Variants in CENPP observed in about 807,000 individuals in gnomAD.
CENPP encodes centromere protein P.
Under a neutral mutation model 35.6 loss-of-function variants are expected in CENPP, and 24 were observed. The ratio of observed to expected loss-of-function variants is 0.67; its 90% CI spans 0.49 to 0.95. CENPP has a LOEUF of 0.95. Among genes scored for constraint, CENPP ranks in the 40% least tolerant of loss-of-function variants. CENPP has a pLI of 0.00. For synonymous variants in CENPP, 120 were observed against 125.5 expected, an observed-to-expected ratio of 0.96 and a Z score of 0.29; for missense variants, 332 against 345.3, an observed-to-expected ratio of 0.96 and a Z score of 0.31.
chr9:92,605,216 T>C lies in CENPP; in HGVS notation c.565-6098T>C, dbSNP rs191366393. 2.0e-3 allele frequency among the ~76,000 whole-genome samples: 307 copies of C among 152,342 alleles called. 2 individuals are homozygous for C. The highest frequency in any genetic ancestry group is 7.0e-3 in the African/African-American group (290 of 41,578). Reference sequence around the variant, plus strand: ...GTTGGCAAGGCTGGTCTCGAACTCCTGGCCTCAAGTGATCCACCTGCCTTG... The same window carrying C: ...GTTGGCAAGGCTGGTCTCGAACTCCCGGCCTCAAGTGATCCACCTGCCTTG... On this transcript the variant is annotated intron_variant, in intron 5 of 7. Coordinates refer to ENST00000375587, the MANE Select transcript of CENPP (RefSeq NM_001012267.3).
At chr9:92,409,887 T>C (rs897013447) in intron 5 of CENPP, among the ~76,000 whole-genome samples, 3 of 152,170 alleles carry the variant, frequency 2.0e-5, no homozygotes, top group Non-Finnish European at 4.4e-5. Context: ...TTATTCTTCA[T>C]CGTCTCCCAG....
chr9:92,352,505 G>GTGTATATATA, intron 4 of CENPP, among the ~76,000 whole-genome samples: 2 of 49,790 alleles, frequency 4.0e-5, no homozygotes, highest in African/African-American at 3.6e-4. Flanking sequence ...GTGTGTGTGT[G>GTGTATATATA]TATACATATA....
intron 5 of CENPP, among the ~76,000 whole-genome samples, chr9:92,482,924 T>TA (rs1301961105): frequency 3.9e-5 from 6 of 151,930 alleles, no homozygotes; most frequent in African/African-American, 1.4e-4. Flanking sequence ...TTTTTTTTTT[T>TA]AAGCTTTTAG....
At chr9:92,571,319 G>A (rs573073029) in intron 5 of CENPP, among the ~76,000 whole-genome samples, 1 of 152,156 alleles carries the variant, frequency 6.6e-6, no homozygotes, top group Non-Finnish European at 1.5e-5. Flanking sequence ...CTTTATTTCT[G>A]CCTTCATTTC....
intron 5 of CENPP, among the ~76,000 whole-genome samples, chr9:92,486,022 T>C (rs1195033221): frequency 6.6e-6 from 1 of 152,182 alleles, no homozygotes; most frequent in Non-Finnish European, 1.5e-5. Context: ...TTTATAGTAG[T>C]AGCTACAAGA....
At chr9:92,571,301 AAG>A (rs1394888754) in intron 5 of CENPP, among the ~76,000 whole-genome samples, 2 of 152,170 alleles carry the variant, frequency 1.3e-5, no homozygotes. Flanking sequence ...ATTGGTTTCA[AAG>A]AACATCTTTA....
chr9:92,533,949 A>C (rs1049468864), intron 5 of CENPP, among the ~76,000 whole-genome samples: 20 of 151,634 alleles, frequency 1.3e-4, no homozygotes, highest in African/African-American at 4.8e-4. Flanking sequence ...CATATCTTTG[A>C]TATTTGGAAG....
chr9:92,502,160 G>A (rs1256103635), intron 5 of CENPP, among the ~76,000 whole-genome samples: 1 of 152,182 alleles, frequency 6.6e-6, no homozygotes, highest in Non-Finnish European at 1.5e-5. Flanking sequence ...GGTAGACAGA[G>A]CTAGAGTGGC....
intron 5 of CENPP, chr9:92,415,491 A>G (rs762833828): frequency 4.1e-6 from 6 of 1,462,402 alleles, no homozygotes; most frequent in Non-Finnish European, 5.6e-6. Context: ...AAAGAAATAA[A>G]TTAAAAATTA....
chr9:92,591,875 T>C (rs537539374), intron 5 of CENPP, among the ~76,000 whole-genome samples: 3 of 152,300 alleles, frequency 2.0e-5, no homozygotes, highest in Non-Finnish European at 4.4e-5. Flanking sequence ...TATTTCGTTA[T>C]TTATTATCTG....
chr9:92,340,475 C>T (rs948673876), intron 3 of CENPP: 6 of 152,260 alleles, frequency 3.9e-5, no homozygotes, highest in Non-Finnish European at 8.8e-5. Context: ...AATTTGATGC[C>T]TTCCTGAGTC....
intron 5 of CENPP, among the ~76,000 whole-genome samples, chr9:92,441,764 A>G (rs1844396555): frequency 1.3e-5 from 2 of 152,158 alleles, no homozygotes; most frequent in Non-Finnish European, 2.9e-5. Context: ...TAGGAAACAA[A>G]GCAAAACAAA....
chr9:92,578,609 T>C (rs1166589382), intron 5 of CENPP, among the ~76,000 whole-genome samples: 4 of 152,216 alleles, frequency 2.6e-5, no homozygotes, highest in African/African-American at 9.7e-5. Flanking sequence ...TTTTGAGAAG[T>C]GTCTGTTCAT....
At chr9:92,366,896 T>C (rs1271252124) in intron 4 of CENPP, among the ~76,000 whole-genome samples, 2 of 152,144 alleles carry the variant, frequency 1.3e-5, no homozygotes, top group Non-Finnish European at 2.9e-5. Flanking sequence ...TGCTCTAAAA[T>C]CTGAAATTTT....
intron 5 of CENPP, chr9:92,505,646 T>C: frequency 6.2e-7 from 1 of 1,606,772 alleles, no homozygotes. Flanking sequence ...TTGGCTTCAC[T>C]GAGATTGTTT....
intron 5 of CENPP, among the ~76,000 whole-genome samples, chr9:92,457,900 C>G (rs1238424803): frequency 6.6e-6 from 1 of 151,906 alleles, no homozygotes; most frequent in African/African-American, 2.4e-5. Flanking sequence ...TACTTCAGTG[C>G]CATATTTACA....
chr9:92,349,682 G>A (rs920501407), intron 4 of CENPP, among the ~76,000 whole-genome samples: 2 of 152,068 alleles, frequency 1.3e-5, no homozygotes, highest in Non-Finnish European at 2.9e-5. Context: ...GATTACAGGC[G>A]TGAGCCACCA....
chr9:92,509,711 A>T (rs1053026613), intron 5 of CENPP, among the ~76,000 whole-genome samples: 1 of 152,260 alleles, frequency 6.6e-6, no homozygotes, highest in Non-Finnish European at 1.5e-5. Context: ...CAAAGACAAT[A>T]GGCAGTTTAA....
chr9:92,495,229 A>G, intron 5 of CENPP: 1 of 587,858 alleles, frequency 1.7e-6, no homozygotes, highest in Non-Finnish European at 2.1e-6. Context: ...CCTAGCCAAG[A>G]CATAAAACTG....
Sources: allele counts gnomAD v4.1 joint callset (sites outside exome capture counted in the v4.1 genomes callset), GRCh38; gene constraint gnomAD v4.1.1; transcripts MANE v1.5; gene names NCBI Gene and HGNC (gene_info 2026-07-23, HGNC 2026-07-21).